LIMCH1: variants seen among roughly 807,000 people sequenced by gnomAD.
LIMCH1 encodes LIM and calponin homology domains-containing protein 1.
LIMCH1 carries 113 observed loss-of-function variants against 176.5 expected under a neutral mutation model. The observed-to-expected ratio is 0.64, with a 90% CI of 0.55 to 0.75. The LOEUF (loss-of-function observed/expected upper bound fraction) is 0.75, where lower values mean the gene tolerates loss of function less well. Ranked by LOEUF, LIMCH1 falls within the 30% of genes least tolerant of loss-of-function variation. The pLI, the probability that LIMCH1 is intolerant of heterozygous loss-of-function variation, is 0.00. For missense variants in LIMCH1, 1,674 were observed against 1,814.9 expected, an observed-to-expected ratio of 0.92 and a Z score of 1.41; for synonymous variants, 619 against 645.9, an observed-to-expected ratio of 0.96 and a Z score of 0.63.
At chr4:41,453,420 T>C (rs1272175879) in intron 1 of LIMCH1, 6 of 152,342 alleles carry the variant, frequency 3.9e-5, no homozygotes, top group African/African-American at 1.2e-4. Context: ...GTTATGTGTA[T>C]TATATACTGT....
chr4:41,619,864 A>T (rs1306393987), intron 6 of LIMCH1: 2 of 207,854 alleles, frequency 9.6e-6, no homozygotes, highest in Non-Finnish European at 2.0e-5. Context: ...CAAATATGTG[A>T]TGCATGGAAT....
chr4:41,452,240 G>GC (rs1340913382), intron 1 of LIMCH1, among the ~76,000 whole-genome samples: 1 of 152,168 alleles, frequency 6.6e-6, no homozygotes, highest in Non-Finnish European at 1.5e-5. Context: ...ATCAAATAAA[G>GC]CTGAGCTTCA....
chr4:41,404,743 C>T (rs903544086), intron 1 of LIMCH1, among the ~76,000 whole-genome samples: 3 of 152,148 alleles, frequency 2.0e-5, no homozygotes, highest in African/African-American at 7.2e-5. Flanking sequence ...TGTGCCACTA[C>T]GCTCCAGCCT....
chr4:41,659,664 G>C (rs2094556203), intron 18 of LIMCH1, among the ~76,000 whole-genome samples: 1 of 151,952 alleles, frequency 6.6e-6, no homozygotes, highest in African/African-American at 2.4e-5. Context: ...ACCAACTTTA[G>C]CCTTTATCTT....
chr4:41,629,817 T>G, intron 9 of LIMCH1, 83 bp downstream of exon 9: 1 of 1,215,338 alleles, frequency 8.2e-7, no homozygotes, highest in Non-Finnish European at 1.1e-6. Context: ...CTTTGTGTCT[T>G]TTTTTTTTTT....
rs529091473 is a variant in LIMCH1 at position 41,513,357 on chromosome 4, C to T, written c.168-11052C>T. ...GGCCTCAAGAATGTATTCCCCAGTC[C>T]TCTGAATAAAGCTGCATTTTGTATT... is the stretch of plus-strand genomic sequence containing the variant. On this transcript the variant is annotated intron_variant, in intron 2 of 26. Coordinates refer to the LIMCH1 transcript ENST00000313860. Among the ~76,000 whole-genome samples the T allele has an allele frequency of 2.0e-5, 3 of 152,292 alleles. No individual in the cohort carries two copies. In the East Asian group the frequency reaches 5.8e-4, roughly 29 times the overall value.
rs201582589 is a variant in LIMCH1 at position 41,549,350 on chromosome 4, CT to C, written c.-241+11004del. ...AAAAGTAGATGCAACTAGTGTTCTT[CT>C]TTTACAGATGAGGAGACTGAGACAC... On this transcript the variant is annotated intron_variant, in intron 1 of 31. Coordinates refer to ENST00000503057, the MANE Select transcript of LIMCH1 (RefSeq NM_001330672.2). Among the ~76,000 whole-genome samples, 143 of 152,280 alleles carry C rather than the reference CT, an allele frequency of 9.4e-4. No individual in the cohort carries two copies. In the East Asian group the frequency reaches 0.022, roughly 23 times the overall value.
intron 1 of LIMCH1, among the ~76,000 whole-genome samples, chr4:41,592,516 G>C (rs1054733178): frequency 1.3e-5 from 2 of 151,966 alleles, no homozygotes; most frequent in African/African-American, 4.8e-5. Flanking sequence ...TACCTACACA[G>C]TGTGCCTGTT....
chr4:41,610,651 C>T (rs544092606), intron 4 of LIMCH1, among the ~76,000 whole-genome samples: 2 of 152,092 alleles, frequency 1.3e-5, no homozygotes, highest in Admixed American at 6.5e-5. Context: ...GTGAGACAGG[C>T]GTTATTATTA....
chr4:41,646,252 A>C lies in LIMCH1; in HGVS notation c.2383A>C (p.Lys795Gln). 1 of 1,612,824 alleles carries C rather than the reference A, an allele frequency of 6.2e-7. No homozygotes were observed. Among genetic ancestry groups the C allele is most frequent in the Non-Finnish European group, 8.5e-7 (1 of 1,179,800 alleles). The change falls in exon 16 of 32, where the codon AAA (lysine) becomes CAA (glutamine). Residue 795 changes from lysine to glutamine, a missense_variant. Transcript: ENST00000503057. ...DGTSERRKSI[K>Q]TYREIVQEKE... is the part of the protein sequence containing the mutation. ...GACAAGTGAACGAAGGAAAAGCATC[A>C]AAACCTACAGAGAAATTGTTCAAGA...
At chr4:41,595,998 C>T (rs762554904) in intron 1 of LIMCH1, among the ~76,000 whole-genome samples, 10 of 149,026 alleles carry the variant, frequency 6.7e-5, no homozygotes, top group Admixed American at 2.7e-4. Flanking sequence ...TGAAGTGAGC[C>T]GAGATTGCAT....
rs531360478 is a variant in LIMCH1 at position 41,556,454 on chromosome 4, C to A, written c.-241+18104C>A. Among the ~76,000 whole-genome samples, 6 of 151,428 alleles carry A rather than the reference C, an allele frequency of 4.0e-5. No individual in the cohort carries two copies. The East Asian group carries it at 7.8e-4, about 20-fold the overall frequency. ...ATATCATAACATGCAGAGATGACTG[C>A]CAGTGTCAAGGTCCCTGGTTCTACC... On this transcript the variant is annotated intron_variant, in intron 1 of 31. Coordinates refer to ENST00000503057, the MANE Select transcript of LIMCH1 (RefSeq NM_001330672.2).
chr4:41,401,706 A>C (rs1337388326), intron 1 of LIMCH1, among the ~76,000 whole-genome samples: 2 of 151,878 alleles, frequency 1.3e-5, no homozygotes, highest in African/African-American at 2.4e-5. Flanking sequence ...CTTTTATTTC[A>C]TTGAGCAGTG....
At chr4:41,680,167 T>G (rs574542342) in intron 24 of LIMCH1, 69 bp downstream of exon 24, 114 of 1,062,696 alleles carry the variant, frequency 1.1e-4, no homozygotes, top group Non-Finnish European at 1.6e-4. Context: ...ACACTCTCTG[T>G]GTCTGTGGCA....
At chr4:41,630,499 C>G (rs772274933) in intron 9 of LIMCH1, among the ~76,000 whole-genome samples, 22 of 152,068 alleles carry the variant, frequency 1.4e-4, no homozygotes, top group Admixed American at 7.2e-4. Flanking sequence ...TTTAATTATT[C>G]CACAGTACCT....
intron 2 of LIMCH1, among the ~76,000 whole-genome samples, chr4:41,499,888 T>A (rs1349922442): frequency 6.6e-6 from 1 of 152,266 alleles, no homozygotes; most frequent in African/African-American, 2.4e-5. Context: ...CCTCTTTAGC[T>A]TCCCTAAACC....
intron 1 of LIMCH1, among the ~76,000 whole-genome samples, chr4:41,394,370 T>A (rs1232506078): frequency 1.3e-5 from 2 of 152,228 alleles, no homozygotes; most frequent in Non-Finnish European, 2.9e-5. Flanking sequence ...GAAATGAGAA[T>A]GAAATATTCA....
intron 1 of LIMCH1, among the ~76,000 whole-genome samples, chr4:41,372,031 T>G (rs973890346): frequency 2.0e-5 from 3 of 152,146 alleles, no homozygotes; most frequent in Admixed American, 1.3e-4. Flanking sequence ...ATAGTAGAGG[T>G]GAACACAACC....
At chr4:41,647,527 A>G (rs551290861) in intron 17 of LIMCH1, among the ~76,000 whole-genome samples, 1 of 152,338 alleles carries the variant, frequency 6.6e-6, no homozygotes, top group East Asian at 1.9e-4. Context: ...TGGAAACCAA[A>G]CATCTTTTCG....
Sources: gnomAD v4.1 joint callset for allele counts (sites outside exome capture counted in the v4.1 genomes callset) on GRCh38, gnomAD v4.1.1 for gene constraint, MANE v1.5 for transcripts, NCBI Gene and HGNC (gene_info 2026-07-23, HGNC 2026-07-21) for gene names.